The following SCAPER variants were observed in gnomAD, a reference collection of about 807,000 sequenced individuals.
SCAPER encodes the protein S-phase cyclin A associated protein in the ER.
In SCAPER, 98 loss-of-function variants were observed where a neutral mutation model predicts 182.2. That is an observed-to-expected ratio of 0.54 (90% confidence interval 0.46 to 0.64). The LOEUF is 0.64. Among genes scored for constraint, SCAPER ranks in the 30% least tolerant of loss-of-function variants. SCAPER has a pLI of 0.00. For synonymous variants in SCAPER, 605 were observed against 564.6 expected, an observed-to-expected ratio of 1.07 and a Z score of -1.01; for missense variants, 1,432 against 1,690.0, an observed-to-expected ratio of 0.85 and a Z score of 2.68.
intron 15 of SCAPER, among the ~76,000 whole-genome samples, chr15:76,737,287 G>C (rs1030442840): frequency 2.0e-4 from 30 of 152,214 alleles, no homozygotes; most frequent in Admixed American, 1.8e-3. Context: ...TACGTTAGCA[G>C]GCACGAAAAC....
At chr15:76,733,657 G>A (rs1437670819) in intron 15 of SCAPER, among the ~76,000 whole-genome samples, 17 of 152,076 alleles carry the variant, frequency 1.1e-4, no homozygotes, top group Non-Finnish European at 5.9e-5. Flanking sequence ...GGGAGGCAGA[G>A]GCAGGAGAAT....
chr15:76,512,172 G>C (rs2042102343), intron 23 of SCAPER, among the ~76,000 whole-genome samples: 1 of 151,936 alleles, frequency 6.6e-6, no homozygotes, highest in Non-Finnish European at 1.5e-5. Flanking sequence ...ACAGGCGTGA[G>C]CCACCATGTC....
intron 14 of SCAPER, among the ~76,000 whole-genome samples, chr15:76,755,598 G>T (rs2062373623): frequency 6.6e-6 from 1 of 152,074 alleles, no homozygotes; most frequent in East Asian, 1.9e-4. Context: ...CTCTGAGATG[G>T]TGCCCACTAA....
intron 24 of SCAPER, among the ~76,000 whole-genome samples, chr15:76,486,958 A>T (rs2051712874): frequency 6.6e-6 from 1 of 152,196 alleles, no homozygotes; most frequent in Non-Finnish European, 1.5e-5. Flanking sequence ...CAACGATTGA[A>T]TTAAGAAAAT....
chr15:76,843,618 C>A (rs1418609266), intron 4 of SCAPER, among the ~76,000 whole-genome samples: 1 of 151,968 alleles, frequency 6.6e-6, no homozygotes, highest in Non-Finnish European at 1.5e-5. Flanking sequence ...AAACTAATGG[C>A]AATAATTGCC....
intron 24 of SCAPER, among the ~76,000 whole-genome samples, chr15:76,498,801 G>T (rs1362717964): frequency 6.6e-6 from 1 of 152,160 alleles, no homozygotes; most frequent in African/African-American, 2.4e-5. Context: ...GAATAAATTT[G>T]TGATATCTTG....
intron 29 of SCAPER, among the ~76,000 whole-genome samples, chr15:76,372,499 A>C (rs905167980): frequency 6.6e-6 from 1 of 152,182 alleles, no homozygotes; most frequent in African/African-American, 2.4e-5. Flanking sequence ...TATCTAAAGG[A>C]GAGGATTAGT....
intron 23 of SCAPER, among the ~76,000 whole-genome samples, chr15:76,542,139 A>G (rs1185976461): frequency 2.0e-5 from 3 of 152,170 alleles, no homozygotes; most frequent in Non-Finnish European, 4.4e-5. Flanking sequence ...AAAACCCTAG[A>G]TCTAATTCAA....
At chr15:76,885,231 C>G (rs1179895405) in intron 1 of SCAPER, among the ~76,000 whole-genome samples, 2 of 152,190 alleles carry the variant, frequency 1.3e-5, no homozygotes, top group Admixed American at 1.3e-4. Flanking sequence ...CCTCCAACCT[C>G]TCTCCATCTC....
At chr15:76,497,985 G>A (rs1246881462) in intron 24 of SCAPER, among the ~76,000 whole-genome samples, 24 of 39,406 alleles carry the variant, frequency 6.1e-4, no homozygotes, top group African/African-American at 1.6e-3. Flanking sequence ...GCGAGACTCC[G>A]TCTCAAAAAA....
chr15:76,582,882 T>C (rs2048362464), intron 22 of SCAPER, among the ~76,000 whole-genome samples: 1 of 152,208 alleles, frequency 6.6e-6, no homozygotes, highest in Admixed American at 6.5e-5. Context: ...CTTCAATAAA[T>C]GGTGCCGAGA....
At chr15:76,441,781 C>T (rs2047621831) in intron 25 of SCAPER, among the ~76,000 whole-genome samples, 1 of 152,084 alleles carries the variant, frequency 6.6e-6, no homozygotes. Flanking sequence ...ATTTTTCTTC[C>T]AGTGCAATAG....
intron 24 of SCAPER, among the ~76,000 whole-genome samples, chr15:76,494,660 T>C (rs193147991): frequency 6.6e-6 from 1 of 152,222 alleles, no homozygotes. Flanking sequence ...AGAACGCTCA[T>C]TGACGCAACC....
chr15:76,728,493 A>T, intron 17 of SCAPER, 102 bp downstream of exon 17: 14 of 1,449,924 alleles, frequency 9.7e-6, no homozygotes, highest in African/African-American at 1.4e-5. Flanking sequence ...ACATCGCAAA[A>T]CCTCATCTCA....
chr15:76,492,838 G>T (rs781088692), intron 24 of SCAPER, among the ~76,000 whole-genome samples: 38 of 148,260 alleles, frequency 2.6e-4, no homozygotes, highest in Non-Finnish European at 5.1e-4. Context: ...TGACCACAGA[G>T]AATTTAGACT....
intron 4 of SCAPER, among the ~76,000 whole-genome samples, chr15:76,844,862 T>C (rs1191482025): frequency 6.6e-6 from 1 of 152,126 alleles, no homozygotes; most frequent in Non-Finnish European, 1.5e-5. Flanking sequence ...AAAATCATTC[T>C]ATGAGGCCAG....
chr15:76,499,995 CTA>C (rs1567282374), intron 24 of SCAPER, among the ~76,000 whole-genome samples: 1 of 152,258 alleles, frequency 6.6e-6, no homozygotes, highest in East Asian at 1.9e-4. Flanking sequence ...ATGAAAATAA[CTA>C]AGTGCTTTCT....
At chr15:76,668,643 A>T (rs11072612) in intron 20 of SCAPER, among the ~76,000 whole-genome samples, 44,047 of 152,032 alleles carry the variant, frequency 0.29, 6,900 homozygotes, top group East Asian at 0.55. Context: ...ATTATTTGTC[A>T]TCTCCTTATT....
At chr15:76,765,145 C>T in intron 13 of SCAPER, 73 bp from the exon 14 acceptor site, 5 of 1,173,216 alleles carry the variant, frequency 4.3e-6, no homozygotes, top group Non-Finnish European at 6.0e-6. Context: ...GTTCTTTAGA[C>T]TTCATAGTTC....
Sources: allele counts gnomAD v4.1 joint callset (sites outside exome capture counted in the v4.1 genomes callset), GRCh38; gene constraint gnomAD v4.1.1; transcripts MANE v1.5; gene names NCBI Gene and HGNC (gene_info 2026-07-23, HGNC 2026-07-21).